The following CCNY variants were observed in gnomAD, a reference collection of about 807,000 sequenced individuals.
CCNY encodes cyclin Y.
Under a neutral mutation model 42.8 loss-of-function variants are expected in CCNY, and 19 were observed. That is an observed-to-expected ratio of 0.44 (90% CI 0.31 to 0.65). The LOEUF (loss-of-function observed/expected upper bound fraction) is 0.65, where lower values mean the gene tolerates loss of function less well. CCNY is among the 30% of genes least tolerant of loss of function. CCNY has a pLI of 0.07. For synonymous variants in CCNY, 165 were observed against 162.7 expected, an observed-to-expected ratio of 1.01 and a Z score of -0.11; for missense variants, 370 against 437.3, an observed-to-expected ratio of 0.85 and a Z score of 1.37.
chr10:35,439,723 A>G (rs1196088244), intron 1 of CCNY, among the ~76,000 whole-genome samples: 1 of 149,106 alleles, frequency 6.7e-6, no homozygotes, highest in Non-Finnish European at 1.5e-5. Context: ...TTTTTTTTTA[A>G]TTGAAACCTC....
chr10:35,443,474 A>G, intron 1 of CCNY, among the ~76,000 whole-genome samples: 1 of 152,170 alleles, frequency 6.6e-6, no homozygotes, highest in Non-Finnish European at 1.5e-5. Context: ...ACACAAACAC[A>G]CACATTAGCC....
intron 9 of CCNY, among the ~76,000 whole-genome samples, chr10:35,568,795 C>T (rs575429764): frequency 4.6e-5 from 7 of 152,364 alleles, no homozygotes; most frequent in Non-Finnish European, 7.3e-5. Context: ...CTGGTCGGGC[C>T]GACTGTGAGG....
At chr10:35,565,730 G>T (rs925312617) in intron 8 of CCNY, among the ~76,000 whole-genome samples, 1 of 152,214 alleles carries the variant, frequency 6.6e-6, no homozygotes, top group African/African-American at 2.4e-5. Flanking sequence ...CTGTCCTCAC[G>T]GAGACCTGCA....
At chr10:35,446,959 A>C (rs1838803452) in intron 1 of CCNY, among the ~76,000 whole-genome samples, 1 of 152,258 alleles carries the variant, frequency 6.6e-6, no homozygotes, top group Non-Finnish European at 1.5e-5. Flanking sequence ...TTTGGAAAAC[A>C]TATAGTTACC....
chr10:35,326,963 T>G (rs926169906), intron 3 of CCNY, among the ~76,000 whole-genome samples: 3 of 152,208 alleles, frequency 2.0e-5, no homozygotes, highest in Admixed American at 2.0e-4. Flanking sequence ...TAACCACGTA[T>G]GAAGTGTCTT....
chr10:35,428,460 T>A (rs1404844361), intron 1 of CCNY, among the ~76,000 whole-genome samples: 1 of 152,134 alleles, frequency 6.6e-6, no homozygotes, highest in East Asian at 1.9e-4. Context: ...CGTGCACATG[T>A]GTGTGTGCGT....
At chr10:35,520,613 A>G (rs560811085) in intron 4 of CCNY, among the ~76,000 whole-genome samples, 1 of 152,182 alleles carries the variant, frequency 6.6e-6, no homozygotes, top group South Asian at 2.1e-4. Flanking sequence ...CCACCTGTAA[A>G]GTGGGGATTG....
chr10:35,494,195 A>C (rs1839958200), intron 2 of CCNY, among the ~76,000 whole-genome samples: 1 of 140,870 alleles, frequency 7.1e-6, no homozygotes, highest in Non-Finnish European at 1.5e-5. Flanking sequence ...GGATTGCTTG[A>C]GCCCAGGAGT....
intron 3 of CCNY, among the ~76,000 whole-genome samples, chr10:35,506,490 A>G (rs1001695675): frequency 3.1e-4 from 47 of 152,156 alleles, no homozygotes; most frequent in African/African-American, 8.0e-4. Context: ...TAGGACATCA[A>G]TTCCTTAAGT....
chr10:35,382,731 G>T (rs1837215710), intron 1 of CCNY, among the ~76,000 whole-genome samples: 1 of 152,088 alleles, frequency 6.6e-6, no homozygotes, highest in South Asian at 2.1e-4. Flanking sequence ...TGCATGGCCG[G>T]CTTCTTCATT....
rs898388370 is a variant in CCNY, at chr10:35,306,029, A to C, written c.-9+55403A>C. Among the ~76,000 whole-genome samples, 5 of 152,030 alleles carry C rather than the reference A, an allele frequency of 3.3e-5. No individual in the cohort carries two copies. In the South Asian group the frequency reaches 8.3e-4, roughly 25 times the overall value. On this transcript the variant is annotated intron_variant, in intron 3 of 11. Transcript: ENST00000374706. ...ATTTTTTACTTAAAATTCATGTTTCATATGCCATTTTTTTTCTTTATGAGA... is the reference window on the plus strand; with the variant it reads ...ATTTTTTACTTAAAATTCATGTTTCCTATGCCATTTTTTTTCTTTATGAGA...
intron 2 of CCNY, among the ~76,000 whole-genome samples, chr10:35,484,153 G>A (rs1839735867): frequency 6.6e-6 from 1 of 152,142 alleles, no homozygotes; most frequent in African/African-American, 2.4e-5. Context: ...ATAGAAAAAG[G>A]TGGCAGGAGA....
chr10:35,545,400 A>G (rs1339861257), intron 7 of CCNY, among the ~76,000 whole-genome samples: 2 of 152,310 alleles, frequency 1.3e-5, no homozygotes, highest in Non-Finnish European at 2.9e-5. Context: ...GGTTAGTTCC[A>G]AGGGCTGTGA....
chr10:35,307,813 TA>T (rs1386475857), intron 3 of CCNY, among the ~76,000 whole-genome samples: 987 of 71,024 alleles, frequency 0.014, 34 homozygotes, highest in Non-Finnish European at 0.022. Flanking sequence ...TATATATATA[TA>T]TATATTTTTT....
chr10:35,493,737 T>C (rs1373023587), intron 2 of CCNY, among the ~76,000 whole-genome samples: 2 of 152,236 alleles, frequency 1.3e-5, no homozygotes, highest in Non-Finnish European at 2.9e-5. Context: ...ATTTTATCAC[T>C]GTAAAATGGA....
At chr10:35,465,897 G>A (rs1839248745) in intron 1 of CCNY, among the ~76,000 whole-genome samples, 1 of 148,628 alleles carries the variant, frequency 6.7e-6, no homozygotes, top group Non-Finnish European at 1.5e-5. Flanking sequence ...TATCAGCAGG[G>A]TAGGGGGAAG....
intron 7 of CCNY, among the ~76,000 whole-genome samples, chr10:35,548,444 G>A (rs1349307890): frequency 4.6e-5 from 7 of 151,778 alleles, no homozygotes; most frequent in African/African-American, 1.4e-4. Flanking sequence ...GATCACAGGC[G>A]CGTACACCAT....
At chr10:35,467,950 C>G (rs141842954) in intron 1 of CCNY, among the ~76,000 whole-genome samples, 1 of 152,334 alleles carries the variant, frequency 6.6e-6, no homozygotes, top group Non-Finnish European at 1.5e-5. Flanking sequence ...GTCACCAGTT[C>G]TACATTCAGG....
chr10:35,300,381 G>A (rs1210982952), intron 3 of CCNY, among the ~76,000 whole-genome samples: 1 of 151,854 alleles, frequency 6.6e-6, no homozygotes, highest in Admixed American at 6.6e-5. Context: ...GAAAGCTGGG[G>A]TGATCGTGGG....
Sources: gnomAD v4.1 joint callset for allele counts (sites outside exome capture counted in the v4.1 genomes callset) on GRCh38, gnomAD v4.1.1 for gene constraint, MANE v1.5 for transcripts, NCBI Gene and HGNC (gene_info 2026-07-23, HGNC 2026-07-21) for gene names.